Variants in KRR1 observed in about 807,000 individuals in gnomAD.
The protein encoded by KRR1 is KRR1 small subunit processome component homolog.
In KRR1, 23 loss-of-function variants were observed where a neutral mutation model predicts 50.0. That is an observed-to-expected ratio of 0.46 (90% confidence interval 0.33 to 0.65). The LOEUF (loss-of-function observed/expected upper bound fraction) is 0.65, where lower values mean the gene tolerates loss of function less well. Among genes scored for constraint, KRR1 ranks in the 30% least tolerant of loss-of-function variants. The pLI is 0.02. For synonymous variants in KRR1, 133 were observed against 146.3 expected (o/e 0.91, Z 0.66); for missense variants, 419 against 442.4 (o/e 0.95, Z 0.47).
At chr12:75,500,484 T>G (rs983249051) in intron 9 of KRR1, 5 of 104,784 alleles carry the variant, frequency 4.8e-5, no homozygotes, top group African/African-American at 1.3e-4. Context: ...TAATTGAATA[T>G]TCAATGAATT....
At chr12:75,504,526 C>T (rs1480560910) in intron 6 of KRR1, among the ~76,000 whole-genome samples, 2 of 152,034 alleles carry the variant, frequency 1.3e-5, no homozygotes, top group Admixed American at 6.6e-5. Flanking sequence ...CATGGAACAT[C>T]AGAGGATGCA....
Position 75,501,835 on chromosome 12 carries a change from A to T in KRR1, c.910-19T>A, listed in dbSNP as rs1224165641. ...GTTTAGCCTACATTAATAAATAAAA[A>T]ATATATCAGTTAAATGTATTTATAG... On this transcript the variant is annotated intron_variant, in intron 8 of 9. Transcript: ENST00000229214. The T allele has an allele frequency of 6.3e-7, 1 of 1,577,448 alleles. No individual in the cohort carries two copies. Among genetic ancestry groups the T allele is most frequent in the Non-Finnish European group, 8.6e-7 (1 of 1,156,336 alleles).
intron 6 of KRR1, 42 bp downstream of exon 6, chr12:75,505,156 G>A: frequency 6.8e-7 from 1 of 1,472,964 alleles, no homozygotes; most frequent in Non-Finnish European, 9.2e-7. Context: ...GCTAAAAGAA[G>A]TATGATAATC....
At position 75,496,256 on chromosome 12, in the gene KRR1, G is replaced by A. The variant is rs2046351156; in HGVS notation, c.*3553C>T. On this transcript the variant is annotated 3_prime_UTR_variant, in exon 10 of 10. Coordinates refer to ENST00000229214, the MANE Select transcript of KRR1 (RefSeq NM_007043.7). ...CGTAACCCCAGCTACTCAGGAGGCT[G>A]AGGCAGGACAATCACTTGAGCCCAG... The A allele has an allele frequency of 6.6e-6, 1 of 152,194 alleles. No individual in the cohort carries two copies. The highest frequency in any genetic ancestry group is 1.5e-5 in the Non-Finnish European group (1 of 68,200). The allele number at this position is 152,194 out of a possible 1,614,324, so 9.4% of individuals were successfully genotyped here.
chr12:75,501,554 C>T, intron 9 of KRR1, 169 bp downstream of exon 9: 1 of 583,384 alleles, frequency 1.7e-6, no homozygotes, highest in South Asian at 2.3e-5. Flanking sequence ...TTAGCTGCCT[C>T]TAAATTATAA....
intron 7 of KRR1, 122 bp from the exon 8 acceptor site, chr12:75,502,122 G>T (rs149595020): frequency 4.9e-5 from 38 of 773,150 alleles, no homozygotes; most frequent in Middle Eastern, 7.8e-4. Flanking sequence ...TAATAAAAAT[G>T]GTAGTGACAT....
rs769402924 is a variant in KRR1 at position 75,508,238 on chromosome 12, G to A, written c.258+36C>T. 51 of 1,436,454 alleles carry A rather than the reference G, an allele frequency of 3.6e-5. No homozygotes were observed. The East Asian group carries it at 1.2e-3, about 34-fold the overall frequency. 89.0% of individuals were successfully genotyped at this position (1,436,454 alleles called of 1,614,324 possible). A position where few individuals can be genotyped will look rare whatever the true frequency, so the allele number is the denominator to read the frequency against. On this transcript the variant is annotated intron_variant, in intron 2 of 9. Coordinates refer to ENST00000229214, the MANE Select transcript of KRR1 (RefSeq NM_007043.7). ...ATTTAAAGGCATAAGCAAGAGCAAAGTCTCAAATAAATGTATTGATATAAG... is the reference window on the plus strand; with the variant it reads ...ATTTAAAGGCATAAGCAAGAGCAAAATCTCAAATAAATGTATTGATATAAG...
Position 75,506,409 on chromosome 12 carries a change from G to A in KRR1, c.520-10C>T, listed in dbSNP as rs1222184131. On this transcript the variant is annotated splice_polypyrimidine_tract_variant and intron_variant, in intron 4 of 9. Transcript: ENST00000229214. The stretch of plus-strand genomic sequence containing the variant: ...TTAAGAGTTCCAATGCCTGTATCAA[G>A]AGATCAAGTTAAAATTCATTACTCT... The A allele has an allele frequency of 6.2e-7, 1 of 1,605,706 alleles. No homozygotes were observed. Among genetic ancestry groups the A allele is most frequent in the South Asian group, 1.1e-5 (1 of 90,186 alleles).
chr12:75,499,234 T>G lies in KRR1; in HGVS notation c.*575A>C, dbSNP rs529451464. 6.0e-5 allele frequency: 18 copies of G among 298,632 alleles called. No individual in the cohort carries two copies. Among genetic ancestry groups the G allele is most frequent in the Non-Finnish European group, 1.0e-4 (17 of 163,364 alleles). The allele number at this position is 298,632 out of a possible 1,614,324, so 18.5% of individuals were successfully genotyped here. A position where few individuals can be genotyped will look rare whatever the true frequency, so the allele number is the denominator to read the frequency against. On this transcript the variant is annotated 3_prime_UTR_variant, in exon 10 of 10. Coordinates refer to ENST00000229214, the MANE Select transcript of KRR1 (RefSeq NM_007043.7). ...CCTAACCCATGTTTCAGCTTCTAAA[T>G]CTGCAAAATGAGCAAGGTACAGTAG...
chr12:75,506,784 G>A lies in KRR1; in HGVS notation c.391C>T (p.Gln131Ter). 6.2e-7 allele frequency: 1 copy of A among 1,609,768 alleles called. No homozygotes were observed. Among genetic ancestry groups the A allele is most frequent in the Non-Finnish European group, 8.5e-7 (1 of 1,178,272 alleles). ...AGTCTCTGTAATTCTAGATTTACCT[G>A]TTCAAATGAAACACTCCTTGCTAAC... is the stretch of plus-strand genomic sequence containing the variant. Reference protein sequence around the residue: ...KLLARSVSFEQAVRILQDDVA... With the variant: ...KLLARSVSFE The change falls in exon 3 of 10, where the codon CAG (glutamine) becomes TAG (stop). Residue 131 changes from glutamine (Q) to a stop codon, truncating the protein, a stop_gained and splice_region_variant. Transcript: ENST00000229214. LOFTEE classifies it high-confidence loss of function.
rs560429545 is a variant in KRR1 at position 75,494,742 on chromosome 12, T to C, written c.*5067A>G. On this transcript the variant is annotated 3_prime_UTR_variant, in exon 10 of 10. Coordinates refer to ENST00000229214, the MANE Select transcript of KRR1 (RefSeq NM_007043.7). ...TAGTGCAATGGCAGGTTCATTGAGA[T>C]AAATGTGCCCCCTCTCCCCATTACT... 6.6e-6 allele frequency: 1 copy of C among 152,326 alleles called. No individual in the cohort carries two copies. The highest frequency in any genetic ancestry group is 2.1e-4 in the South Asian group (1 of 4,828). The allele number at this position is 152,326 out of a possible 1,614,324, so 9.4% of individuals were successfully genotyped here.
intron 5 of KRR1, 38 bp downstream of exon 5, chr12:75,506,278 C>T: frequency 7.9e-7 from 1 of 1,265,596 alleles, no homozygotes; most frequent in South Asian, 1.3e-5. Context: ...TATTTGTTCT[C>T]TGCTGAAAAT....
Position 75,506,615 on chromosome 12 carries a change from GCAA to G in KRR1, c.394-9_394-7del. ...TCCTGAAGAATTCGTACTGCCTTTT[GCAA>G]AAAAAAAAAAAAAAAGAAGACATTA... On this transcript the variant is annotated splice_polypyrimidine_tract_variant and splice_region_variant and intron_variant, in intron 3 of 9. Transcript: ENST00000229214. 2 of 1,229,612 alleles carry G rather than the reference GCAA, an allele frequency of 1.6e-6. No homozygotes were observed. The highest frequency in any genetic ancestry group is 1.0e-6 in the Non-Finnish European group (1 of 979,036). The allele number at this position is 1,229,612 out of a possible 1,614,324, so 76.2% of individuals were successfully genotyped here. A position where few individuals can be genotyped will look rare whatever the true frequency, so the allele number is the denominator to read the frequency against.
rs973305336 is a variant in KRR1, at chr12:75,495,097, G to C, written c.*4712C>G. On this transcript the variant is annotated 3_prime_UTR_variant, in exon 10 of 10. Coordinates refer to ENST00000229214, the MANE Select transcript of KRR1 (RefSeq NM_007043.7). ...GCACCAGCCAAATGGCTCCTATCCA[G>C]TGAAAATTATGGAGGGCTGACCAAC... is the stretch of plus-strand genomic sequence containing the variant. 1 of 152,340 alleles carries C rather than the reference G, an allele frequency of 6.6e-6. No individual in the cohort carries two copies. Among genetic ancestry groups the C allele is most frequent in the Non-Finnish European group, 1.5e-5 (1 of 68,162 alleles). 9.4% of individuals were successfully genotyped at this position (152,340 alleles called of 1,614,324 possible). A position where few individuals can be genotyped will look rare whatever the true frequency, so the allele number is the denominator to read the frequency against.
At chr12:75,505,368 ATAAT>A (rs1377131175) in intron 5 of KRR1, 114 bp from the exon 6 acceptor site, 16 of 1,036,430 alleles carry the variant, frequency 1.5e-5, no homozygotes, top group Non-Finnish European at 2.2e-5. Flanking sequence ...ATGTAATTAA[ATAAT>A]TAAGTAGTTC....
chr12:75,508,584 T>C, intron 1 of KRR1, 138 bp from the exon 2 acceptor site: 1 of 514,570 alleles, frequency 1.9e-6, no homozygotes, highest in Non-Finnish European at 3.3e-6. Context: ...TTGCATTTCC[T>C]TTTCCCCTGC....
At chr12:75,507,926 T>C (rs1036274715) in intron 2 of KRR1, among the ~76,000 whole-genome samples, 13 of 152,040 alleles carry the variant, frequency 8.6e-5, no homozygotes, top group African/African-American at 2.9e-4. Context: ...GGTAATCAAT[T>C]AGAAACATGA....
intron 5 of KRR1, among the ~76,000 whole-genome samples, chr12:75,505,645 A>G (rs2046418679): frequency 6.6e-6 from 1 of 152,098 alleles, no homozygotes. Flanking sequence ...ATTGTATTCA[A>G]TATACTTAAT....
At chr12:75,506,289 G>C (rs761697990) in intron 5 of KRR1, 27 bp downstream of exon 5, 1 of 1,369,096 alleles carries the variant, frequency 7.3e-7, no homozygotes. Context: ...TGCTGAAAAT[G>C]AATCGAAGAT....
Sources: allele counts gnomAD v4.1 joint callset (sites outside exome capture counted in the v4.1 genomes callset), GRCh38; gene constraint gnomAD v4.1.1; transcripts MANE v1.5; gene names NCBI Gene and HGNC (gene_info 2026-07-23, HGNC 2026-07-21).